Variants in RBFOX1 observed in about 807,000 individuals in gnomAD.
RBFOX1 encodes the protein RNA binding fox-1 homolog 1, also known as RNA binding protein fox-1 homolog 1.
RBFOX1 carries 8 observed loss-of-function variants against 57.7 expected under a neutral mutation model. That is an observed-to-expected ratio of 0.14 (90% CI 0.08 to 0.25). The LOEUF (loss-of-function observed/expected upper bound fraction) is 0.25, where lower values mean the gene tolerates loss of function less well. RBFOX1 is among the 10% of genes least tolerant of loss of function. The pLI is 1.00. For missense variants in RBFOX1, 611 were observed against 548.5 expected (o/e 1.11, Z -1.14); for synonymous variants, 326 against 222.4 (o/e 1.47, Z -4.15).
At chr16:5,926,875 GCT>G (rs537891622) in intron 4 of RBFOX1, among the ~76,000 whole-genome samples, 82 of 152,238 alleles carry the variant, frequency 5.4e-4, no homozygotes, top group African/African-American at 1.9e-3. Context: ...ATTTTTATTA[GCT>G]CCATTTTCTA....
At chr16:7,696,576 G>C (rs2078874838) in intron 14 of RBFOX1, among the ~76,000 whole-genome samples, 1 of 149,846 alleles carries the variant, frequency 6.7e-6, no homozygotes. Flanking sequence ...CTAGTCCTTT[G>C]TGGGTGTCAG....
intron 1 of RBFOX1, among the ~76,000 whole-genome samples, chr16:6,235,558 ATGTGTG>A (rs3064942): frequency 0.032 from 4,738 of 147,200 alleles, 94 homozygotes; most frequent in Admixed American, 0.034. Flanking sequence ...GCGTGTATGT[ATGTGTG>A]TGTGTGTGTG....
At chr16:7,326,497 A>G (rs1264591312) in intron 4 of RBFOX1, among the ~76,000 whole-genome samples, 1 of 152,154 alleles carries the variant, frequency 6.6e-6, no homozygotes, top group South Asian at 2.1e-4. Context: ...CATGATGAGC[A>G]GAGAGATGAA....
intron 3 of RBFOX1, among the ~76,000 whole-genome samples, chr16:6,822,744 G>A (rs1182677214): frequency 6.6e-6 from 1 of 152,096 alleles, no homozygotes; most frequent in East Asian, 1.9e-4. Flanking sequence ...AAGGGAGAGG[G>A]GTGGAAAAGA....
At chr16:6,186,107 C>G (rs557327765) in intron 1 of RBFOX1, among the ~76,000 whole-genome samples, 1 of 152,106 alleles carries the variant, frequency 6.6e-6, no homozygotes, top group African/African-American at 2.4e-5. Context: ...ATGATTATAT[C>G]TGTATATGAA....
intron 3 of RBFOX1, among the ~76,000 whole-genome samples, chr16:5,734,566 C>G (rs576446250): frequency 9.2e-5 from 14 of 152,304 alleles, no homozygotes; most frequent in African/African-American, 3.1e-4. Context: ...AGGCAGCATC[C>G]ATGTTTGATC....
intron 1 of RBFOX1, among the ~76,000 whole-genome samples, chr16:6,106,912 C>T (rs1352307997): frequency 6.6e-6 from 1 of 152,140 alleles, no homozygotes; most frequent in African/African-American, 2.4e-5. Context: ...ACCTCGTGAT[C>T]TGCCCTCCTT....
intron 3 of RBFOX1, among the ~76,000 whole-genome samples, chr16:6,884,204 A>G (rs1730729048): frequency 6.6e-6 from 1 of 152,160 alleles, no homozygotes; most frequent in South Asian, 2.1e-4. Context: ...TTCCTGGCTC[A>G]TGTGCAGTCA....
intron 3 of RBFOX1, among the ~76,000 whole-genome samples, chr16:6,941,757 G>A (rs1387976208): frequency 6.6e-6 from 1 of 152,186 alleles, no homozygotes; most frequent in Non-Finnish European, 1.5e-5. Flanking sequence ...ACTATACCAA[G>A]CAAGAGGTAG....
chr16:7,555,843 C>A (rs1219650958), intron 5 of RBFOX1, among the ~76,000 whole-genome samples: 1 of 152,174 alleles, frequency 6.6e-6, no homozygotes, highest in Non-Finnish European at 1.5e-5. Context: ...TCCTCCTGCT[C>A]AGTATTTATC....
intron 14 of RBFOX1, among the ~76,000 whole-genome samples, chr16:7,684,713 A>G (rs1470035611): frequency 6.6e-6 from 1 of 151,950 alleles, no homozygotes; most frequent in African/African-American, 2.4e-5. Context: ...AAATTTTAGA[A>G]TGTATTAAGA....
At chr16:5,253,747 T>G (rs9939003) in intron 1 of RBFOX1, among the ~76,000 whole-genome samples, 1 of 152,142 alleles carries the variant, frequency 6.6e-6, no homozygotes, top group Non-Finnish European at 1.5e-5. Context: ...CACATGTTCA[T>G]TTGCTCTCTC....
At chr16:6,479,063 A>G (rs1463802459) in intron 2 of RBFOX1, among the ~76,000 whole-genome samples, 1 of 152,212 alleles carries the variant, frequency 6.6e-6, no homozygotes, top group Non-Finnish European at 1.5e-5. Flanking sequence ...TGATAAAGTG[A>G]AAGACAATAA....
rs575615758 is a variant in RBFOX1 at position 6,057,620 on chromosome 16, C to T, written c.-127+37628C>T. Among the ~76,000 whole-genome samples the T allele has an allele frequency of 1.6e-4, 25 of 151,984 alleles. No homozygotes were observed. The South Asian group carries it at 2.3e-3, about 14-fold the overall frequency. On this transcript the variant is annotated intron_variant, in intron 1 of 15. Coordinates refer to ENST00000550418, the MANE Select transcript of RBFOX1 (RefSeq NM_018723.4). ...ACACTGAGCCAAGAATGCCGCCAGG[C>T]GTTTAAGGATGTATATTGTTTCTCT...
intron 4 of RBFOX1, among the ~76,000 whole-genome samples, chr16:7,062,113 C>G (rs898623152): frequency 6.6e-6 from 1 of 151,660 alleles, no homozygotes; most frequent in East Asian, 1.9e-4. Context: ...GTCAGGAGAT[C>G]GAGACTATCC....
At chr16:5,852,759 G>A (rs1260834124) in intron 3 of RBFOX1, among the ~76,000 whole-genome samples, 2 of 152,120 alleles carry the variant, frequency 1.3e-5, no homozygotes, top group Non-Finnish European at 2.9e-5. Flanking sequence ...GAGCCCAGGA[G>A]TTTGAGGCTG....
intron 5 of RBFOX1, chr16:7,519,842 C>A (rs1239574570): frequency 7.5e-6 from 4 of 534,748 alleles, no homozygotes; most frequent in Admixed American, 6.4e-5. Context: ...TTGCTACTTG[C>A]CACCTCATTC....
intron 1 of RBFOX1, among the ~76,000 whole-genome samples, chr16:5,455,946 A>C (rs2068618133): frequency 6.6e-6 from 1 of 152,184 alleles, no homozygotes; most frequent in Non-Finnish European, 1.5e-5. Flanking sequence ...TGTTTTTATC[A>C]GGCATTGTTC....
intron 4 of RBFOX1, among the ~76,000 whole-genome samples, chr16:7,360,821 C>T (rs191079293): frequency 3.9e-5 from 6 of 152,208 alleles, no homozygotes; most frequent in Admixed American, 3.3e-4. Flanking sequence ...ATTAATTAGG[C>T]TTGTACATTC....
Sources: gnomAD v4.1 joint callset for allele counts (sites outside exome capture counted in the v4.1 genomes callset) on GRCh38, gnomAD v4.1.1 for gene constraint, MANE v1.5 for transcripts, NCBI Gene and HGNC (gene_info 2026-07-23, HGNC 2026-07-21) for gene names.